The following KCNIP4 variants were observed in gnomAD, a reference collection of about 807,000 sequenced individuals.
KCNIP4 encodes the protein potassium voltage-gated channel interacting protein 4, also known as Kv channel-interacting protein 4.
KCNIP4 carries 12 observed loss-of-function variants against 34.0 expected under a neutral mutation model. The observed-to-expected ratio is 0.35, with a 90% CI of 0.23 to 0.57. The LOEUF is 0.57. Ranked by LOEUF, KCNIP4 falls within the 20% of genes least tolerant of loss-of-function variation. KCNIP4 has a pLI of 0.83. For synonymous variants in KCNIP4, 124 were observed against 102.2 expected (o/e 1.21, Z -1.29); for missense variants, 238 against 311.7 (o/e 0.76, Z 1.78).
intron 3 of KCNIP4, among the ~76,000 whole-genome samples, chr4:20,783,608 C>T (rs1302882861): frequency 1.3e-5 from 2 of 152,196 alleles, no homozygotes; most frequent in East Asian, 3.9e-4. Context: ...TTAGCTCCCA[C>T]TGGGTCGCTC....
chr4:21,874,612 A>G (rs975560187), intron 1 of KCNIP4, among the ~76,000 whole-genome samples: 3 of 152,082 alleles, frequency 2.0e-5, no homozygotes, highest in Admixed American at 6.6e-5. Context: ...TCTCAGTTTC[A>G]TGGGTTAGTA....
intron 1 of KCNIP4, among the ~76,000 whole-genome samples, chr4:21,902,413 T>C (rs1010070072): frequency 6.6e-5 from 10 of 152,050 alleles, no homozygotes; most frequent in Non-Finnish European, 1.3e-4. Flanking sequence ...AGTAAATAAA[T>C]CCATATTTTC....
chr4:21,576,147 T>C (rs572340046), intron 1 of KCNIP4, among the ~76,000 whole-genome samples: 17 of 152,222 alleles, frequency 1.1e-4, no homozygotes, highest in Non-Finnish European at 1.8e-4. Context: ...AATAAGTAAA[T>C]GCTGCTACTC....
chr4:21,434,810 G>A (rs913721395), intron 1 of KCNIP4, among the ~76,000 whole-genome samples: 2 of 150,060 alleles, frequency 1.3e-5, no homozygotes, highest in Non-Finnish European at 2.9e-5. Context: ...ACCAGTCCCC[G>A]GTGGCGAAAA....
At chr4:21,942,685 G>A (rs1225416675) in intron 1 of KCNIP4, among the ~76,000 whole-genome samples, 3 of 152,212 alleles carry the variant, frequency 2.0e-5, no homozygotes, top group Non-Finnish European at 4.4e-5. Context: ...TTGGTCTTTG[G>A]TGGGTCTACC....
At chr4:20,984,165 C>T in intron 1 of KCNIP4, 1 of 546,428 alleles carries the variant, frequency 1.8e-6, no homozygotes, top group Admixed American at 3.3e-5. Context: ...CCTGCTACCA[C>T]AGCGCACGGA....
intron 1 of KCNIP4, among the ~76,000 whole-genome samples, chr4:21,940,567 C>T (rs1325098191): frequency 1.3e-5 from 2 of 152,210 alleles, no homozygotes; most frequent in Non-Finnish European, 2.9e-5. Flanking sequence ...ATGTCTCAGT[C>T]GTCCCAATAC....
intron 3 of KCNIP4, among the ~76,000 whole-genome samples, chr4:20,787,314 A>C (rs1712135388): frequency 6.6e-6 from 1 of 152,130 alleles, no homozygotes; most frequent in Non-Finnish European, 1.5e-5. Context: ...TTTATTTTTT[A>C]GGTGGTTTTA....
At chr4:21,877,865 G>A (rs16872023) in intron 1 of KCNIP4, among the ~76,000 whole-genome samples, 1 of 152,186 alleles carries the variant, frequency 6.6e-6, no homozygotes, top group Admixed American at 6.5e-5. Flanking sequence ...TTCTCTCCAT[G>A]TCACACAATA....
At chr4:21,755,728 A>G (rs958928466) in intron 1 of KCNIP4, among the ~76,000 whole-genome samples, 1 of 152,202 alleles carries the variant, frequency 6.6e-6, no homozygotes, top group Admixed American at 6.5e-5. Context: ...AGTTAATCAA[A>G]TATCTTTAAT....
intron 1 of KCNIP4, among the ~76,000 whole-genome samples, chr4:21,632,369 A>G (rs1745825715): frequency 6.7e-6 from 1 of 148,640 alleles, no homozygotes; most frequent in Non-Finnish European, 1.5e-5. Context: ...GCGAGCCACC[A>G]TGCCTGGCTA....
chr4:21,564,744 G>A (rs961479949), intron 1 of KCNIP4, among the ~76,000 whole-genome samples: 5 of 152,102 alleles, frequency 3.3e-5, no homozygotes, highest in South Asian at 2.1e-4. Flanking sequence ...TATGGTGAGG[G>A]CTTCAGGATG....
At chr4:21,776,840 T>G (rs905658285) in intron 1 of KCNIP4, among the ~76,000 whole-genome samples, 1 of 152,034 alleles carries the variant, frequency 6.6e-6, no homozygotes. Flanking sequence ...TCGGCTCCTT[T>G]CAACCCCCGC....
chr4:21,050,554 A>T (rs1431927106), intron 1 of KCNIP4, among the ~76,000 whole-genome samples: 1 of 152,230 alleles, frequency 6.6e-6, no homozygotes, highest in Non-Finnish European at 1.5e-5. Flanking sequence ...AATGCTCTCA[A>T]AATAAAAATC....
At chr4:21,228,784 T>C (rs1212884026) in intron 1 of KCNIP4, among the ~76,000 whole-genome samples, 1 of 152,218 alleles carries the variant, frequency 6.6e-6, no homozygotes, top group Non-Finnish European at 1.5e-5. Context: ...CTTTTGTTAA[T>C]ATCATTTTCT....
At chr4:21,606,427 T>G (rs1743677762) in intron 1 of KCNIP4, among the ~76,000 whole-genome samples, 1 of 152,138 alleles carries the variant, frequency 6.6e-6, no homozygotes, top group Admixed American at 6.5e-5. Flanking sequence ...TACCACAAAC[T>G]TAGTGGCTTC....
At position 21,657,235 on chromosome 4, in the gene KCNIP4, C is replaced by A. The variant is rs185302101; in HGVS notation, c.61+291336G>T. 1.8e-4 allele frequency among the ~76,000 whole-genome samples: 27 copies of A among 152,164 alleles called. No individual in the cohort carries two copies. In the East Asian group the frequency reaches 5.2e-3, roughly 29 times the overall value. On this transcript the variant is annotated intron_variant, in intron 1 of 8. Coordinates refer to ENST00000382152, the MANE Select transcript of KCNIP4 (RefSeq NM_025221.6). Reference sequence around the variant, plus strand: ...TCTTTTATCAGTCTTTTTTTACTTGCTTTTTCGTTATTTTATTTATTAAAG... The same window carrying A: ...TCTTTTATCAGTCTTTTTTTACTTGATTTTTCGTTATTTTATTTATTAAAG...
At chr4:21,189,209 T>C (rs556817044) in intron 1 of KCNIP4, among the ~76,000 whole-genome samples, 1 of 152,300 alleles carries the variant, frequency 6.6e-6, no homozygotes, top group Admixed American at 6.5e-5. Flanking sequence ...AGTGGATACA[T>C]GTAGAATTAA....
At chr4:21,467,871 C>T (rs1335709920) in intron 1 of KCNIP4, among the ~76,000 whole-genome samples, 1 of 152,108 alleles carries the variant, frequency 6.6e-6, no homozygotes, top group Non-Finnish European at 1.5e-5. Context: ...GAGGATGTGG[C>T]CATGTTAATA....
Sources: allele counts gnomAD v4.1 joint callset (sites outside exome capture counted in the v4.1 genomes callset), GRCh38; gene constraint gnomAD v4.1.1; transcripts MANE v1.5; gene names NCBI Gene and HGNC (gene_info 2026-07-23, HGNC 2026-07-21).